The following DRC9 variants were observed in gnomAD, a reference collection of about 807,000 sequenced individuals.
DRC9 encodes dynein regulatory complex protein 9.
At chr3:197,954,201 GTGT>G in the DRC9 span, 2 of 1,599,710 alleles carry the variant, frequency 1.3e-6, no homozygotes, top group Non-Finnish European at 8.6e-7. Flanking sequence ...TAGGTTCAAG[GTGT>G]TGTGCTTTGA....
At chr3:197,957,580 A>G in the DRC9 span, 1 of 149,914 alleles carries the variant, frequency 6.7e-6, no homozygotes, top group Non-Finnish European at 1.5e-5. Flanking sequence ...TCAGCCTCCC[A>G]GGATTGTGGT....
At chr3:197,892,800 C>G in the DRC9 span, 1 of 1,611,596 alleles carries the variant, frequency 6.2e-7, no homozygotes. Context: ...TCAGCAGACA[C>G]AAAACGCTGT....
chr3:197,926,813 C>T, the DRC9 span, among the ~76,000 whole-genome samples: 8 of 152,168 alleles, frequency 5.3e-5, no homozygotes, highest in Non-Finnish European at 1.0e-4. Flanking sequence ...CCAGCCTCTC[C>T]TTCACTGGGG....
chr3:197,953,753 A>G, the DRC9 span: 13 of 570,076 alleles, frequency 2.3e-5, no homozygotes, highest in Non-Finnish European at 3.4e-5. Context: ...TGACCTATGT[A>G]TTTTCCTTAA....
At chr3:197,913,053 G>C in the DRC9 span, 2 of 319,964 alleles carry the variant, frequency 6.3e-6, no homozygotes, top group Admixed American at 9.3e-5. Flanking sequence ...GGGGATTCCG[G>C]AGTGCCAGGA....
At chr3:197,950,208 T>C in the DRC9 span, 11 of 1,231,508 alleles carry the variant, frequency 8.9e-6, no homozygotes, top group South Asian at 3.3e-4. Context: ...ACCGCCATCT[T>C]GGCTCCTGTG....
chr3:197,904,458 G>A, the DRC9 span, among the ~76,000 whole-genome samples: 1 of 152,182 alleles, frequency 6.6e-6, no homozygotes, highest in South Asian at 2.1e-4. Flanking sequence ...ATACCCAAAA[G>A]AAAGGAAATT....
chr3:197,943,391 C>G, the DRC9 span, among the ~76,000 whole-genome samples: 2 of 152,138 alleles, frequency 1.3e-5, no homozygotes, highest in Non-Finnish European at 2.9e-5. Context: ...ATTGTAGCCC[C>G]TTTATCTGAA....
chr3:197,892,336 G>T, the DRC9 span, among the ~76,000 whole-genome samples: 2 of 152,212 alleles, frequency 1.3e-5, no homozygotes, highest in East Asian at 3.9e-4. Context: ...GGGGCTGTGT[G>T]GGTAGCACCT....
At chr3:197,917,982 G>A in the DRC9 span, among the ~76,000 whole-genome samples, 17 of 152,008 alleles carry the variant, frequency 1.1e-4, no homozygotes, top group Non-Finnish European at 1.8e-4. Context: ...GGATCTGCCC[G>A]CCTCAGCCTC....
chr3:197,930,532 C>T, the DRC9 span, among the ~76,000 whole-genome samples: 1 of 145,166 alleles, frequency 6.9e-6, no homozygotes, highest in Admixed American at 6.9e-5. Context: ...TTTGAGCCCA[C>T]GATTTTGAGA....
the DRC9 span, chr3:197,950,529 T>C: frequency 6.5e-6 from 2 of 310,062 alleles, no homozygotes; most frequent in Non-Finnish European, 1.2e-5. Context: ...TCCCAGTCCA[T>C]ACCTTCCTTG....
the DRC9 span, among the ~76,000 whole-genome samples, chr3:197,910,982 C>CAAAAAAAAAAAAAAAAAAA: frequency 8.1e-5 from 5 of 61,502 alleles, no homozygotes; most frequent in Non-Finnish European, 1.4e-4. Context: ...AAAAACAAAA[C>CAAAAAAAAAAAAAAAAAAA]AAAAAAAAAA....
chr3:197,894,720 C>T, the DRC9 span: 4 of 152,110 alleles, frequency 2.6e-5, no homozygotes, highest in Admixed American at 1.3e-4. Flanking sequence ...TTGAGAAGTT[C>T]CTTAGGTGGC....
the DRC9 span, among the ~76,000 whole-genome samples, chr3:197,927,602 T>A: frequency 1.3e-5 from 2 of 152,226 alleles, no homozygotes; most frequent in South Asian, 4.1e-4. Flanking sequence ...ATAGATTATG[T>A]ACTTCCCACT....
At chr3:197,954,268 A>AT in the DRC9 span, 2 of 939,356 alleles carry the variant, frequency 2.1e-6, no homozygotes, top group African/African-American at 3.3e-5. Context: ...ATGCTGCAAA[A>AT]TTTGTGTATT....
At chr3:197,934,476 C>T in the DRC9 span, among the ~76,000 whole-genome samples, 353 of 152,192 alleles carry the variant, frequency 2.3e-3, no homozygotes, top group African/African-American at 7.7e-3. Context: ...TGAGCCACGG[C>T]GCCCGGCCAA....
At chr3:197,956,034 G>A in the DRC9 span, 53 of 460,700 alleles carry the variant, frequency 1.2e-4, no homozygotes, top group East Asian at 2.0e-3. Context: ...AGTGGTGCTC[G>A]CTGCAGCCTC....
At chr3:197,952,362 G>A in the DRC9 span, among the ~76,000 whole-genome samples, 1 of 151,840 alleles carries the variant, frequency 6.6e-6, no homozygotes, top group East Asian at 1.9e-4. Context: ...TAGAGATGGG[G>A]TTTCACCATT....
Sources: gnomAD v4.1 joint callset for allele counts (sites outside exome capture counted in the v4.1 genomes callset) on GRCh38, gnomAD v4.1.1 for gene constraint, MANE v1.5 for transcripts, NCBI Gene and HGNC (gene_info 2026-07-23, HGNC 2026-07-21) for gene names.